The following STMN4 variants were observed in gnomAD, a reference collection of about 807,000 sequenced individuals.
STMN4 encodes stathmin 4.
In STMN4, 12 loss-of-function variants were observed where a neutral mutation model predicts 29.1. The ratio of observed to expected loss-of-function variants is 0.41; its 90% CI spans 0.26 to 0.67. STMN4 has a LOEUF of 0.67. STMN4 is among the 30% of genes least tolerant of loss of function. STMN4 has a pLI of 0.30. For missense variants in STMN4, 181 were observed against 262.8 expected (o/e 0.69, Z 2.15); for synonymous variants, 114 against 105.3 (o/e 1.08, Z -0.51).
At chr8:27,242,681 C>T (rs1256155222) in intron 2 of STMN4, among the ~76,000 whole-genome samples, 189 bp from the exon 3 acceptor site, 4 of 152,184 alleles carry the variant, frequency 2.6e-5, no homozygotes, top group Admixed American at 1.3e-4. Flanking sequence ...GTGTGGGATT[C>T]GAACCCACTC....
At position 27,242,457 on chromosome 8, in the gene STMN4, A is replaced by G. The variant is rs1385047039; in HGVS notation, c.49T>C (p.Ser17Pro). The change falls in exon 3 of 7, where the codon TCC becomes CCC. Residue 17 changes from serine to proline, a missense_variant. Coordinates refer to ENST00000350889, the MANE Select transcript of STMN4 (RefSeq NM_030795.4). ...KEKMKELPLV[S>P]LFCSCFLADP... ...GCCAGGAAGCAGGAGCAGAACAAGG[A>G]CACCAGCGGGAGCTCCTTCATCTTC... 6.2e-7 allele frequency: 1 copy of G among 1,614,154 alleles called. No individual in the cohort carries two copies. The highest frequency in any genetic ancestry group is 8.5e-7 in the Non-Finnish European group (1 of 1,180,010).
At chr8:27,239,946 T>C in intron 6 of STMN4, 25 bp downstream of exon 6, 10 of 1,614,178 alleles carry the variant, frequency 6.2e-6, no homozygotes, top group Non-Finnish European at 8.5e-6. Flanking sequence ...CCCAGGAAAC[T>C]CCTCTCTAGC....
chr8:27,246,509 C>G (rs891853488), intron 1 of STMN4, among the ~76,000 whole-genome samples: 10 of 152,160 alleles, frequency 6.6e-5, no homozygotes, highest in African/African-American at 2.4e-4. Flanking sequence ...AATAATGTCC[C>G]CTACATGCAT....
At chr8:27,242,642 C>G in intron 2 of STMN4, 150 bp from the exon 3 acceptor site, 1 of 727,030 alleles carries the variant, frequency 1.4e-6, no homozygotes, top group Non-Finnish European at 2.3e-6. Flanking sequence ...CCAGGCCTTT[C>G]GCCCTGAGCC....
intron 1 of STMN4, among the ~76,000 whole-genome samples, chr8:27,256,412 T>C (rs1007510169): frequency 1.3e-5 from 2 of 152,224 alleles, no homozygotes; most frequent in Non-Finnish European, 1.5e-5. Flanking sequence ...TTGGGAGTTT[T>C]TCATAGGCTT....
rs909540131 is a variant in STMN4 at position 27,237,023 on chromosome 8, CTG to C, written c.592-120_592-119del. On this transcript the variant is annotated intron_variant, in intron 6 of 6. Coordinates refer to ENST00000350889, the MANE Select transcript of STMN4 (RefSeq NM_030795.4). ...TGGCCACCACAGGCAGCGAAGAGCT[CTG>C]TCTGCAAAGGCATCCCGAGAGGGGC... 7 of 1,158,384 alleles carry C rather than the reference CTG, an allele frequency of 6.0e-6. No homozygotes were observed. The African/African-American group carries it at 9.3e-5, about 15-fold the overall frequency. 71.8% of individuals were successfully genotyped at this position (1,158,384 alleles called of 1,614,324 possible).
chr8:27,257,935 C>T (rs2130193507), intron 1 of STMN4, among the ~76,000 whole-genome samples: 1 of 152,296 alleles, frequency 6.6e-6, no homozygotes, highest in South Asian at 2.1e-4. Flanking sequence ...ACAAGAAAAG[C>T]TGTGTCTGAG....
intron 3 of STMN4, 62 bp from the exon 4 acceptor site, chr8:27,241,819 C>T (rs1801484118): frequency 6.3e-7 from 1 of 1,590,816 alleles, no homozygotes; most frequent in African/African-American, 1.3e-5. Context: ...CCAGACCAAA[C>T]CAAACCCATC....
chr8:27,247,373 G>A (rs1041240806), intron 1 of STMN4, among the ~76,000 whole-genome samples: 2 of 151,996 alleles, frequency 1.3e-5, no homozygotes, highest in Non-Finnish European at 2.9e-5. Context: ...CAAAAGATAT[G>A]CCCAGGGGAC....
chr8:27,241,709 T>A lies in STMN4; in HGVS notation c.158A>T (p.Asp53Val). ...CRRKDESQRK[D>V]SADWRERRAQ... is the part of the protein sequence containing the mutation. ...TCTTCTTTCTCTCCAGTCAGCACTG[T>A]CTTTCCGCTGGCTTTCATCCTTCCT... The change falls in exon 4 of 7, where the codon GAC (aspartate) becomes GTC (valine). Residue 53 changes from aspartate (D) to valine (V), a missense_variant. By Grantham distance (152) the Asp-to-Val change is radical. Transcript: ENST00000350889. The A allele has an allele frequency of 6.2e-7, 1 of 1,614,186 alleles. No homozygotes were observed. Among genetic ancestry groups the A allele is most frequent in the Non-Finnish European group, 8.5e-7 (1 of 1,180,024 alleles).
intron 1 of STMN4, among the ~76,000 whole-genome samples, 155 bp downstream of exon 1, chr8:27,258,196 C>A (rs1341613881): frequency 6.6e-6 from 1 of 152,228 alleles, no homozygotes; most frequent in Admixed American, 6.5e-5. Context: ...GCCTCACCCC[C>A]TTTCCCCCAA....
At chr8:27,241,355 GGGGCCCCAAGCAAGCTGGA>G in intron 4 of STMN4, 93 bp from the exon 5 acceptor site, 1 of 1,518,950 alleles carries the variant, frequency 6.6e-7, no homozygotes, top group Non-Finnish European at 9.0e-7. Flanking sequence ...TGGGAGAACT[GGGGCCCCAAGCAAGCTGGA>G]GACTGGGGTC....
chr8:27,243,662 G>T, intron 2 of STMN4, 49 bp downstream of exon 2: 1 of 1,581,058 alleles, frequency 6.3e-7, no homozygotes, highest in African/African-American at 1.3e-5. Flanking sequence ...TGTTGGGTGA[G>T]GGCAGGGGGA....
chr8:27,255,822 T>C (rs1044796360), intron 1 of STMN4, among the ~76,000 whole-genome samples: 2 of 152,196 alleles, frequency 1.3e-5, no homozygotes, highest in African/African-American at 2.4e-5. Flanking sequence ...AAGTGAAATC[T>C]AGCTATTAAG....
intron 1 of STMN4, among the ~76,000 whole-genome samples, chr8:27,247,083 C>T (rs1331632765): frequency 2.0e-5 from 3 of 151,912 alleles, no homozygotes; most frequent in African/African-American, 7.3e-5. Flanking sequence ...GGTGAAACCC[C>T]ATCTCTACTA....
intron 5 of STMN4, among the ~76,000 whole-genome samples, 176 bp downstream of exon 5, chr8:27,240,878 G>A (rs1801449366): frequency 6.6e-6 from 1 of 152,198 alleles, no homozygotes; most frequent in African/African-American, 2.4e-5. Flanking sequence ...GGCCAAGGGT[G>A]TTTAGTTCTT....
At chr8:27,240,920 G>A (rs942393025) in intron 5 of STMN4, 134 bp downstream of exon 5, 4 of 866,828 alleles carry the variant, frequency 4.6e-6, no homozygotes, top group Admixed American at 2.9e-5. Context: ...ATTCTCCACC[G>A]CACACTCGGG....
At chr8:27,251,320 G>C (rs560013780) in intron 1 of STMN4, among the ~76,000 whole-genome samples, 11 of 132,772 alleles carry the variant, frequency 8.3e-5, no homozygotes, top group Non-Finnish European at 1.6e-4. Flanking sequence ...ATATATATAC[G>C]TATATACGTG....
At position 27,236,500 on chromosome 8, in the gene STMN4, T is replaced by A. The variant is rs973088145; in HGVS notation, c.*346A>T. The A allele has an allele frequency of 1.7e-5, 3 of 172,968 alleles. No individual in the cohort carries two copies. Among genetic ancestry groups the A allele is most frequent in the Non-Finnish European group, 2.4e-5 (2 of 81,968 alleles). The allele number at this position is 172,968 out of a possible 1,614,324, so 10.7% of individuals were successfully genotyped here. A position where few individuals can be genotyped will look rare whatever the true frequency, so the allele number is the denominator to read the frequency against. On this transcript the variant is annotated 3_prime_UTR_variant, in exon 7 of 7. Transcript: ENST00000350889. Reference sequence around the variant, plus strand: ...TGAAGTTCTACCGCCCTGGTTTTCATCTCTCCTCAACATGGTGCCTGGAGG... The same window carrying A: ...TGAAGTTCTACCGCCCTGGTTTTCAACTCTCCTCAACATGGTGCCTGGAGG...
Sources: allele counts gnomAD v4.1 joint callset (sites outside exome capture counted in the v4.1 genomes callset), GRCh38; gene constraint gnomAD v4.1.1; transcripts MANE v1.5; gene names NCBI Gene and HGNC (gene_info 2026-07-23, HGNC 2026-07-21).